The following SLC44A5 variants were observed in gnomAD, a reference collection of about 807,000 sequenced individuals.
SLC44A5 encodes choline transporter-like protein 5.
In SLC44A5, 57 loss-of-function variants were observed where a neutral mutation model predicts 101.8. The ratio of observed to expected loss-of-function variants is 0.56; its 90% CI spans 0.45 to 0.70. The LOEUF (loss-of-function observed/expected upper bound fraction) is 0.70, where lower values mean the gene tolerates loss of function less well. Ranked by LOEUF, SLC44A5 falls within the 30% of genes least tolerant of loss-of-function variation. The probability of loss-of-function intolerance (pLI) is 0.00; values close to 1 mark genes in which losing one functional copy is unlikely to be tolerated. For missense variants in SLC44A5, 737 were observed against 853.1 expected (o/e 0.86, Z 1.70); for synonymous variants, 281 against 290.9 (o/e 0.97, Z 0.35).
Position 75,333,426 on chromosome 1 carries a change from T to C in SLC44A5, c.101+6156A>G, listed in dbSNP as rs3845361. 6.4e-3 allele frequency among the ~76,000 whole-genome samples: 971 copies of C among 150,938 alleles called. 7 individuals are homozygous for C. The highest frequency in any genetic ancestry group is 9.7e-3 in the Non-Finnish European group (661 of 67,848). On this transcript the variant is annotated intron_variant, in intron 4 of 23. Coordinates refer to ENST00000370859, the MANE Select transcript of SLC44A5 (RefSeq NM_001130058.2). ...TCTTTAATATTTGTGGCCTCTTTTA[T>C]TCCTCAATATATGAGCTTGTTCTTT...
chr1:75,478,287 A>G (rs1397374939), intron 2 of SLC44A5, among the ~76,000 whole-genome samples: 3 of 152,352 alleles, frequency 2.0e-5, no homozygotes, highest in African/African-American at 4.8e-5. Context: ...AGTACCAGCC[A>G]CTGCAAAATC....
At chr1:75,223,790 T>G (rs994126431) in intron 13 of SLC44A5, among the ~76,000 whole-genome samples, 1 of 152,212 alleles carries the variant, frequency 6.6e-6, no homozygotes, top group Non-Finnish European at 1.5e-5. Flanking sequence ...TCATCTCACT[T>G]CTACATCTTC....
At chr1:75,604,200 G>A (rs1675184190) in intron 1 of SLC44A5, among the ~76,000 whole-genome samples, 1 of 152,178 alleles carries the variant, frequency 6.6e-6, no homozygotes, top group South Asian at 2.1e-4. Flanking sequence ...TATCAAACAA[G>A]GTAGGGGTCC....
intron 5 of SLC44A5, among the ~76,000 whole-genome samples, chr1:75,296,330 G>A (rs1260836586): frequency 6.6e-6 from 1 of 151,430 alleles, no homozygotes; most frequent in Non-Finnish European, 1.5e-5. Context: ...CATGTATTAA[G>A]GCTACCATTG....
chr1:75,676,995 C>T, the SLC44A5 span, among the ~76,000 whole-genome samples: 2 of 151,988 alleles, frequency 1.3e-5, no homozygotes, highest in Non-Finnish European at 2.9e-5. Flanking sequence ...AAAGTTTATC[C>T]TAGAACATTA....
rs1015347518 is a variant in SLC44A5 at position 75,478,012 on chromosome 1, G to T, written c.13+63423C>A. On this transcript the variant is annotated intron_variant, in intron 2 of 23. Transcript: ENST00000370859. ...AAGGGCAGCCAGAGAGAAAGGTCGG[G>T]TTACCCACAAAGGGAAGCCCATCAG... 2.6e-5 allele frequency among the ~76,000 whole-genome samples: 4 copies of T among 152,244 alleles called. No individual in the cohort carries two copies. The East Asian group carries it at 7.7e-4, about 29-fold the overall frequency.
chr1:75,488,737 G>A (rs1319615201), intron 2 of SLC44A5, among the ~76,000 whole-genome samples: 1 of 152,150 alleles, frequency 6.6e-6, no homozygotes, highest in Non-Finnish European at 1.5e-5. Flanking sequence ...GTGATAATCA[G>A]ATGTATGTGA....
chr1:75,551,601 G>T (rs1368678205), intron 1 of SLC44A5, among the ~76,000 whole-genome samples: 2 of 151,906 alleles, frequency 1.3e-5, no homozygotes, highest in African/African-American at 4.8e-5. Context: ...GGTCAGAAGG[G>T]ATCAATTTGC....
chr1:75,427,207 C>T (rs191417359), intron 2 of SLC44A5, among the ~76,000 whole-genome samples: 56 of 152,298 alleles, frequency 3.7e-4, no homozygotes, highest in African/African-American at 1.3e-3. Flanking sequence ...GGTTTTGCAT[C>T]CTCATTATTT....
At chr1:75,576,217 T>G (rs1448256929) in intron 1 of SLC44A5, among the ~76,000 whole-genome samples, 1 of 149,854 alleles carries the variant, frequency 6.7e-6, no homozygotes, top group Admixed American at 6.7e-5. Context: ...TAGATAGAGA[T>G]AGATGGAGAA....
chr1:75,539,591 C>A (rs1454782001), intron 2 of SLC44A5, among the ~76,000 whole-genome samples: 2 of 150,048 alleles, frequency 1.3e-5, no homozygotes, highest in Non-Finnish European at 1.5e-5. Context: ...GTAAAAACTG[C>A]AAAAAAAAAA....
chr1:75,537,025 A>ATATATATAT (rs1437539277), intron 2 of SLC44A5, among the ~76,000 whole-genome samples: 13 of 27,604 alleles, frequency 4.7e-4, no homozygotes, highest in Non-Finnish European at 2.2e-3. Flanking sequence ...AAAAAAAAAA[A>ATATATATAT]AAAAAAAAAT....
At chr1:75,553,388 T>C (rs1290528330) in intron 1 of SLC44A5, among the ~76,000 whole-genome samples, 3 of 152,238 alleles carry the variant, frequency 2.0e-5, no homozygotes. Context: ...AATTTTACTT[T>C]TGCCAGTTTT....
At chr1:75,474,978 C>T (rs928784516) in intron 2 of SLC44A5, among the ~76,000 whole-genome samples, 6 of 152,220 alleles carry the variant, frequency 3.9e-5, no homozygotes, top group Non-Finnish European at 8.8e-5. Context: ...AATTCAACTG[C>T]CTGAATGAAA....
At position 75,206,530 on chromosome 1, in the gene SLC44A5, A is replaced by G. The variant is rs1646751391; in HGVS notation, c.2048-2697T>C. 4.0e-6 allele frequency: 4 copies of G among 994,752 alleles called. No individual in the cohort carries two copies. In the South Asian group the frequency reaches 5.8e-5, roughly 14 times the overall value. 61.6% of individuals were successfully genotyped at this position (994,752 alleles called of 1,614,324 possible). A position where few individuals can be genotyped will look rare whatever the true frequency, so the allele number is the denominator to read the frequency against. On this transcript the variant is annotated intron_variant, in intron 23 of 23. Transcript: ENST00000370859. ...GCACAGAAATTTCACATTACTCAAA[A>G]GCAACATTTCCAAATTACAATCAAC...
Position 75,551,123 on chromosome 1 carries a change from T to A in SLC44A5, c.-69-9607A>T, listed in dbSNP as rs544903547. ...TTTTAATTACTATACTTATTCCGTA[T>A]GCTGATTCTCTGTTCCCACTTTCAG... On this transcript the variant is annotated intron_variant, in intron 1 of 23. Coordinates refer to ENST00000370859, the MANE Select transcript of SLC44A5 (RefSeq NM_001130058.2). 4.0e-4 allele frequency among the ~76,000 whole-genome samples: 61 copies of A among 152,266 alleles called. 1 individual carries two copies. Among genetic ancestry groups the A allele is most frequent in the Middle Eastern group, 3.4e-3 (1 of 294 alleles).
At chr1:75,465,643 T>C (rs1364485111) in intron 2 of SLC44A5, among the ~76,000 whole-genome samples, 2 of 151,142 alleles carry the variant, frequency 1.3e-5, no homozygotes, top group Non-Finnish European at 3.0e-5. Context: ...TTATCCAGAC[T>C]AAGAAAAAAA....
At chr1:75,226,999 T>C (rs1647211924) in intron 13 of SLC44A5, among the ~76,000 whole-genome samples, 1 of 152,178 alleles carries the variant, frequency 6.6e-6, no homozygotes, top group Non-Finnish European at 1.5e-5. Flanking sequence ...TTCCTATAAG[T>C]GGTTTAAATG....
intron 2 of SLC44A5, among the ~76,000 whole-genome samples, chr1:75,464,590 G>T (rs1467685722): frequency 6.6e-6 from 1 of 151,958 alleles, no homozygotes; most frequent in Non-Finnish European, 1.5e-5. Flanking sequence ...AAACTCTTCA[G>T]TCAAAATATA....
Sources: gnomAD v4.1 joint callset for allele counts (sites outside exome capture counted in the v4.1 genomes callset) on GRCh38, gnomAD v4.1.1 for gene constraint, MANE v1.5 for transcripts, NCBI Gene and HGNC (gene_info 2026-07-23, HGNC 2026-07-21) for gene names.